The following NDRG4 variants were observed in gnomAD, a reference collection of about 807,000 sequenced individuals.
NDRG4 encodes protein NDRG4.
NDRG4 carries 38 observed loss-of-function variants against 55.8 expected under a neutral mutation model. The ratio of observed to expected loss-of-function variants is 0.68; its 90% confidence interval spans 0.53 to 0.89. The LOEUF is 0.89. NDRG4 is among the 40% of genes least tolerant of loss of function. The pLI, the probability that NDRG4 is intolerant of heterozygous loss-of-function variation, is 0.00. For synonymous variants in NDRG4, 190 were observed against 182.7 expected (o/e 1.04, Z -0.32); for missense variants, 455 against 468.6 (o/e 0.97, Z 0.27).
chr16:58,476,401 T>C (rs769750025), intron 1 of NDRG4, among the ~76,000 whole-genome samples: 1 of 152,236 alleles, frequency 6.6e-6, no homozygotes, highest in Non-Finnish European at 1.5e-5. Flanking sequence ...GTGTCTATTG[T>C]AATGTCCGTG....
chr16:58,464,757 C>T lies in NDRG4; in HGVS notation c.-24+960C>T. The T allele has an allele frequency of 1.6e-6, 2 of 1,275,858 alleles. No individual in the cohort carries two copies. Among genetic ancestry groups the T allele is most frequent in the Middle Eastern group, 3.0e-4 (1 of 3,330 alleles). The allele number at this position is 1,275,858 out of a possible 1,614,324, so 79.0% of individuals were successfully genotyped here. On this transcript the variant is annotated intron_variant, in intron 1 of 15. Coordinates refer to the NDRG4 transcript ENST00000258187. The surrounding 1 kb of genome is among the most constrained non-coding windows in gnomAD (Gnocchi z 4.8). The stretch of plus-strand genomic sequence containing the variant: ...CGGATTAGGACCCTGAAAGCTAGCT[C>T]AGGGCTCCTGCCCTCCAATCAGTGT...
chr16:58,493,121 C>A (rs2035989130), intron 2 of NDRG4, among the ~76,000 whole-genome samples: 1 of 152,196 alleles, frequency 6.6e-6, no homozygotes, highest in Non-Finnish European at 1.5e-5. Context: ...GGAAAAATGG[C>A]AGAAATACTG....
In NDRG4 at chr16:58,506,365, CCT is replaced by C. The variant is rs1567348078; in HGVS notation, c.373-21_373-20del. The C allele has an allele frequency of 2.5e-6, 4 of 1,612,482 alleles. No individual in the cohort carries two copies. The South Asian group carries it at 3.3e-5, about 13-fold the overall frequency. On this transcript the variant is annotated intron_variant, in intron 5 of 14. Transcript: ENST00000570248. Reference sequence around the variant, plus strand: ...TGCACCCATCCTGGCCCCGCCCGGCCCTGTTTCCCCTCTTACTGCAGCTCATC... The same window carrying C: ...TGCACCCATCCTGGCCCCGCCCGGCCGTTTCCCCTCTTACTGCAGCTCATC...
At chr16:58,494,049 T>C (rs1362697003) in intron 2 of NDRG4, among the ~76,000 whole-genome samples, 1 of 152,178 alleles carries the variant, frequency 6.6e-6, no homozygotes, top group Non-Finnish European at 1.5e-5. Context: ...TGTGGGTGCA[T>C]TTTGAGCCTC....
At chr16:58,506,703 A>T (rs2038079094) in intron 7 of NDRG4, 89 bp downstream of exon 7, 4 of 1,434,948 alleles carry the variant, frequency 2.8e-6, no homozygotes, top group Non-Finnish European at 3.8e-6. Flanking sequence ...TGTCTTTGGC[A>T]TCTGACCTGG....
At chr16:58,495,193 G>T (rs572119789), upstream of NDRG4, among the ~76,000 whole-genome samples, 36 of 152,174 alleles carry the variant, frequency 2.4e-4, no homozygotes, top group Non-Finnish European at 3.8e-4. Context: ...GGGCCTCTAG[G>T]GGGAGTGAGA....
At chr16:58,485,251 G>T (rs539129322) in intron 1 of NDRG4, among the ~76,000 whole-genome samples, 14 of 152,244 alleles carry the variant, frequency 9.2e-5, no homozygotes, top group African/African-American at 2.9e-4. Flanking sequence ...CGTCTTTCTT[G>T]TGGAGCCCCA....
chr16:58,499,716 G>C (rs1179995159), upstream of NDRG4: 1 of 171,202 alleles, frequency 5.8e-6, no homozygotes, highest in African/African-American at 2.4e-5. Flanking sequence ...CCAAGGTGTG[G>C]GTCAAGGGCT....
At position 58,509,609 on chromosome 16, in the gene NDRG4, G is replaced by A. The variant is rs185897953; in HGVS notation, c.865+257G>A. On this transcript the variant is annotated intron_variant, in intron 13 of 14. Transcript: ENST00000570248. ...GACTTGGCGCACTGTTCTGATGGCAGTGCTGGGCCTACTGGGGGAAGGGAC... is the reference window on the plus strand; with the variant it reads ...GACTTGGCGCACTGTTCTGATGGCAATGCTGGGCCTACTGGGGGAAGGGAC... Among the ~76,000 whole-genome samples, 218 of 152,340 alleles carry A rather than the reference G, an allele frequency of 1.4e-3. 1 individual carries two copies. Among genetic ancestry groups the A allele is most frequent in the Non-Finnish European group, 2.4e-4 (16 of 68,020 alleles).
intron 1 of NDRG4, among the ~76,000 whole-genome samples, chr16:58,486,151 G>T (rs984549389): frequency 1.3e-5 from 2 of 152,152 alleles, no homozygotes; most frequent in Admixed American, 1.3e-4. Context: ...GGCAAAAAAA[G>T]AAAGAGCTAT....
At chr16:58,481,824 G>A (rs2034435400) in intron 1 of NDRG4, among the ~76,000 whole-genome samples, 1 of 152,138 alleles carries the variant, frequency 6.6e-6, no homozygotes, top group Non-Finnish European at 1.5e-5. Context: ...CCTCAGTGCT[G>A]TCCCAGGCCT....
intron 2 of NDRG4, among the ~76,000 whole-genome samples, chr16:58,489,403 C>T (rs891938448): frequency 6.6e-6 from 1 of 151,864 alleles, no homozygotes; most frequent in Admixed American, 6.6e-5. Context: ...TTACTTCTCT[C>T]TAGCCTCCTT....
chr16:58,504,492 A>G (rs1407370463), intron 4 of NDRG4, 71 bp downstream of exon 4: 1 of 1,611,582 alleles, frequency 6.2e-7, no homozygotes. Context: ...ACCTGGCTCC[A>G]GCTGAGGGCT....
At chr16:58,494,247 C>G (rs1285971909) in intron 2 of NDRG4, among the ~76,000 whole-genome samples, 1 of 152,182 alleles carries the variant, frequency 6.6e-6, no homozygotes, top group African/African-American at 2.4e-5. Flanking sequence ...CTCCAGTGAT[C>G]TGAGGCACAA....
chr16:58,510,148 C>T (rs1022523610), intron 13 of NDRG4, among the ~76,000 whole-genome samples: 2 of 152,218 alleles, frequency 1.3e-5, no homozygotes. Flanking sequence ...GGGGAGGACA[C>T]CCAGGAATAG....
intron 2 of NDRG4, chr16:58,494,953 C>G: frequency 6.2e-7 from 1 of 1,613,416 alleles, no homozygotes; most frequent in Non-Finnish European, 8.5e-7. Context: ...CCTCTGTTTG[C>G]CTTCCCCTAG....
chr16:58,487,118 C>T (rs913751175), intron 1 of NDRG4, among the ~76,000 whole-genome samples: 2 of 152,208 alleles, frequency 1.3e-5, no homozygotes, highest in African/African-American at 4.8e-5. Flanking sequence ...TGTTTGGCCT[C>T]CCTGCACGTG....
chr16:58,493,593 G>A (rs1185608101), intron 2 of NDRG4, among the ~76,000 whole-genome samples: 1 of 152,232 alleles, frequency 6.6e-6, no homozygotes, highest in African/African-American at 2.4e-5. Flanking sequence ...TTCCTTAGGA[G>A]GATCTGTAGC....
chr16:58,507,721 T>A, intron 8 of NDRG4, 87 bp from the exon 9 acceptor site: 1 of 1,328,404 alleles, frequency 7.5e-7, no homozygotes, highest in Non-Finnish European at 1.1e-6. Context: ...CTCCCTGCTT[T>A]ACCAATTGGC....
Sources: gnomAD v4.1 joint callset for allele counts (sites outside exome capture counted in the v4.1 genomes callset) on GRCh38, gnomAD v4.1.1 for gene constraint, Gnocchi (gnomAD v3.1) non-coding constraint, MANE v1.5 for transcripts, NCBI Gene and HGNC (gene_info 2026-07-23, HGNC 2026-07-21) for gene names.